The following MAP3K5 variants were observed in gnomAD, a reference collection of about 807,000 sequenced individuals.
MAP3K5 encodes the protein mitogen-activated protein kinase kinase kinase 5.
A neutral mutation model predicts 158.7 loss-of-function variants in MAP3K5; 56 were observed. The ratio of observed to expected loss-of-function variants is 0.35; its 90% CI spans 0.28 to 0.44. The LOEUF (loss-of-function observed/expected upper bound fraction) is 0.44, where lower values mean the gene tolerates loss of function less well. Ranked by LOEUF, MAP3K5 falls within the 20% of genes least tolerant of loss-of-function variation. MAP3K5 has a pLI of 1.00. For synonymous variants in MAP3K5, 579 were observed against 601.7 expected, an observed-to-expected ratio of 0.96 and a Z score of 0.55; for missense variants, 1,294 against 1,674.8, an observed-to-expected ratio of 0.77 and a Z score of 3.97.
At chr6:136,713,322 G>T (rs1781390902) in intron 2 of MAP3K5, among the ~76,000 whole-genome samples, 1 of 152,154 alleles carries the variant, frequency 6.6e-6, no homozygotes, top group Admixed American at 6.5e-5. Context: ...AGACAAAATG[G>T]TAACAAGAGA....
chr6:136,594,691 G>A (rs1230425054), intron 21 of MAP3K5, among the ~76,000 whole-genome samples: 1 of 152,106 alleles, frequency 6.6e-6, no homozygotes, highest in Admixed American at 6.6e-5. Context: ...ACGGAGGTGT[G>A]CATCATTCAT....
At chr6:136,637,546 A>G (rs1461869846) in intron 13 of MAP3K5, 140 bp from the exon 14 acceptor site, 2 of 528,278 alleles carry the variant, frequency 3.8e-6, no homozygotes, top group East Asian at 6.1e-5. Flanking sequence ...TATCAAGATC[A>G]TGTGAAAAAT....
intron 8 of MAP3K5, among the ~76,000 whole-genome samples, chr6:136,666,342 T>G (rs954574471): frequency 6.6e-6 from 1 of 152,222 alleles, no homozygotes; most frequent in Non-Finnish European, 1.5e-5. Flanking sequence ...TCAGATTGAG[T>G]GCTCATCTTA....
At chr6:136,629,855 G>A (rs574418314) in intron 14 of MAP3K5, among the ~76,000 whole-genome samples, 29 of 151,136 alleles carry the variant, frequency 1.9e-4, no homozygotes, top group African/African-American at 4.9e-4. Context: ...AGGTTCAAGC[G>A]ATTCTCCTGC....
At chr6:136,585,469 T>TTTTCTTTCTTTCTTTC (rs35799129) in intron 23 of MAP3K5, among the ~76,000 whole-genome samples, 1,998 of 131,462 alleles carry the variant, frequency 0.015, 98 homozygotes, top group African/African-American at 0.032. Context: ...CTTTCTTTTC[T>TTTTCTTTCTTTCTTTC]TTTCTTTATT....
At chr6:136,581,854 G>A (rs901115894) in intron 24 of MAP3K5, among the ~76,000 whole-genome samples, 5 of 152,176 alleles carry the variant, frequency 3.3e-5, no homozygotes, top group African/African-American at 1.2e-4. Flanking sequence ...AGTCCGATGC[G>A]GGCGGATCAC....
intron 3 of MAP3K5, among the ~76,000 whole-genome samples, chr6:136,704,385 G>A (rs909912947): frequency 5.3e-5 from 8 of 152,082 alleles, no homozygotes; most frequent in African/African-American, 1.9e-4. Flanking sequence ...AAAGGGAAAA[G>A]GGAACAGCAT....
At chr6:136,748,479 A>T (rs1783057569) in intron 1 of MAP3K5, among the ~76,000 whole-genome samples, 1 of 152,212 alleles carries the variant, frequency 6.6e-6, no homozygotes, top group South Asian at 2.1e-4. Flanking sequence ...ATGCTCACAC[A>T]AATATGTATT....
intron 1 of MAP3K5, among the ~76,000 whole-genome samples, chr6:136,738,562 C>T (rs1782574880): frequency 6.6e-6 from 1 of 152,182 alleles, no homozygotes; most frequent in Non-Finnish European, 1.5e-5. Flanking sequence ...ATCATCACCA[C>T]AGCAACAGAC....
chr6:136,563,428 C>T (rs375428159), intron 26 of MAP3K5, among the ~76,000 whole-genome samples: 7 of 152,240 alleles, frequency 4.6e-5, no homozygotes, highest in Admixed American at 2.0e-4. Context: ...TAGGTGAGGT[C>T]GCCTAGAATA....
At position 136,760,547 on chromosome 6, in the gene MAP3K5, T is replaced by C. The variant is rs117502254; in HGVS notation, c.448+31163A>G. Among the ~76,000 whole-genome samples the C allele has an allele frequency of 2.3e-3, 343 of 152,356 alleles. 8 individuals carry two copies. In the South Asian group the frequency reaches 0.037, roughly 16 times the overall value. On this transcript the variant is annotated intron_variant, in intron 1 of 29. Transcript: ENST00000359015. ...TTCAATAAATACTACTAAGGTCTCA[T>C]TTTTGTGTTCCCTAAAATCCATATG...
At chr6:136,695,588 T>C (rs769842285) in intron 6 of MAP3K5, among the ~76,000 whole-genome samples, 4 of 152,270 alleles carry the variant, frequency 2.6e-5, no homozygotes, top group African/African-American at 7.2e-5. Context: ...ATCCTTACTC[T>C]AGTGAAAACT....
intron 28 of MAP3K5, 41 bp downstream of exon 28, chr6:136,561,492 C>T (rs751387960): frequency 1.0e-4 from 146 of 1,439,194 alleles, no homozygotes; most frequent in Middle Eastern, 1.8e-4. Flanking sequence ...CATTATGAAA[C>T]GAAGTGAAAG....
Position 136,557,612 on chromosome 6 carries a change from T to TG in MAP3K5, c.*145dup. On this transcript the variant is annotated 3_prime_UTR_variant, in exon 30 of 30. Coordinates refer to ENST00000359015, the MANE Select transcript of MAP3K5 (RefSeq NM_005923.4). ...TTAGGAAATTTCAGTGTGTTTTGTC[T>TG]GTTTTTTTTTTTTTTAACATGAGTA... The TG allele has an allele frequency of 8.6e-6, 5 of 578,468 alleles. No individual in the cohort carries two copies. The highest frequency in any genetic ancestry group is 9.2e-6 in the Non-Finnish European group (3 of 327,594). 35.8% of individuals were successfully genotyped at this position (578,468 alleles called of 1,614,324 possible).
At chr6:136,748,665 C>A (rs533643893) in intron 1 of MAP3K5, among the ~76,000 whole-genome samples, 20 of 152,268 alleles carry the variant, frequency 1.3e-4, no homozygotes, top group African/African-American at 4.8e-4. Context: ...TAACACCTGG[C>A]ATGGTACAAT....
At chr6:136,579,094 A>G (rs1774748362) in intron 25 of MAP3K5, among the ~76,000 whole-genome samples, 1 of 152,134 alleles carries the variant, frequency 6.6e-6, no homozygotes, top group Admixed American at 6.5e-5. Context: ...TCTATAATAT[A>G]GGTACAAATT....
chr6:136,566,600 T>C (rs538141762), intron 26 of MAP3K5, among the ~76,000 whole-genome samples: 3 of 152,280 alleles, frequency 2.0e-5, no homozygotes, highest in South Asian at 2.1e-4. Flanking sequence ...CACTAAATAG[T>C]AGAGATGGCA....
chr6:136,775,823 T>C (rs1223997814), intron 1 of MAP3K5, among the ~76,000 whole-genome samples: 2 of 152,214 alleles, frequency 1.3e-5, no homozygotes, highest in Non-Finnish European at 2.9e-5. Context: ...TGGCAACAGC[T>C]TTTGTGTGTA....
At position 136,583,740 on chromosome 6, in the gene MAP3K5, C is replaced by T; in HGVS notation, c.3226G>A (p.Gly1076Arg). ...CATTTTAGTTTCGGTTCTTCAGCCC[C>T]CTGTGAATAAAAATCAACAATCCTT... ...VRNLMESLAQ[G>R]AEEPKLKWEH... Residue 1076 changes from glycine to arginine, a missense_variant and splice_region_variant, in exon 24 of 30, where the codon GGG (glycine) becomes AGG (arginine). Coordinates refer to ENST00000359015, the MANE Select transcript of MAP3K5 (RefSeq NM_005923.4). The T allele has an allele frequency of 6.2e-7, 1 of 1,613,314 alleles. No homozygotes were observed. The highest frequency in any genetic ancestry group is 8.5e-7 in the Non-Finnish European group (1 of 1,179,512).
Sources: gnomAD v4.1 joint callset for allele counts (sites outside exome capture counted in the v4.1 genomes callset) on GRCh38, gnomAD v4.1.1 for gene constraint, MANE v1.5 for transcripts, NCBI Gene and HGNC (gene_info 2026-07-23, HGNC 2026-07-21) for gene names.